UBE2D2: variants seen among roughly 807,000 people sequenced by gnomAD.
UBE2D2 encodes ubiquitin conjugating enzyme E2 D2.
A neutral mutation model predicts 24.2 loss-of-function variants in UBE2D2; 2 were observed. That is an observed-to-expected ratio of 0.08 (90% CI 0.03 to 0.26). The LOEUF is 0.26. Ranked by LOEUF, UBE2D2 falls within the 10% of genes least tolerant of loss-of-function variation. The pLI is 1.00. For synonymous variants in UBE2D2, 58 were observed against 56.5 expected, an observed-to-expected ratio of 1.03 and a Z score of -0.12; for missense variants, 44 against 177.6, an observed-to-expected ratio of 0.25 and a Z score of 4.28.
intron 1 of UBE2D2, among the ~76,000 whole-genome samples, chr5:139,574,430 G>C (rs1753424554): frequency 6.6e-6 from 1 of 151,860 alleles, no homozygotes; most frequent in African/African-American, 2.4e-5. Flanking sequence ...TCCGGTCTTT[G>C]TTCAGTGCCT....
chr5:139,623,080 GTAAT>G (rs1368875600), intron 5 of UBE2D2, among the ~76,000 whole-genome samples: 4 of 151,726 alleles, frequency 2.6e-5, no homozygotes, highest in Admixed American at 2.6e-4. Flanking sequence ...GTTCAAGCCT[GTAAT>G]CCCAGGACTT....
At chr5:139,549,135 C>T (rs944213559) in intron 1 of UBE2D2, among the ~76,000 whole-genome samples, 1 of 152,176 alleles carries the variant, frequency 6.6e-6, no homozygotes, top group Admixed American at 6.5e-5. Flanking sequence ...GTGTGAGCCA[C>T]TGTGCCCGGT....
At chr5:139,572,295 T>TTG (rs1561506805) in intron 1 of UBE2D2, among the ~76,000 whole-genome samples, 1 of 152,178 alleles carries the variant, frequency 6.6e-6, no homozygotes, top group African/African-American at 2.4e-5. Context: ...TCATGCATAC[T>TTG]TGTATTAAAA....
intron 2 of UBE2D2, among the ~76,000 whole-genome samples, chr5:139,609,613 C>G (rs962629323): frequency 3.3e-5 from 5 of 150,510 alleles, no homozygotes; most frequent in African/African-American, 9.8e-5. Flanking sequence ...TCAGGTGATC[C>G]GCTCGCCTCG....
intron 1 of UBE2D2, among the ~76,000 whole-genome samples, chr5:139,537,148 A>G (rs1009712240): frequency 1.3e-5 from 2 of 150,302 alleles, no homozygotes; most frequent in African/African-American, 2.5e-5. Context: ...ATGCCACTGC[A>G]CTCCAGCCTG....
At chr5:139,544,672 G>C (rs1348856045) in intron 1 of UBE2D2, among the ~76,000 whole-genome samples, 1 of 151,832 alleles carries the variant, frequency 6.6e-6, no homozygotes, top group Non-Finnish European at 1.5e-5. Context: ...CTTTTATTGA[G>C]GTATAACTTA....
At chr5:139,527,299 C>T (rs1301384220) in intron 1 of UBE2D2, among the ~76,000 whole-genome samples, 3 of 152,098 alleles carry the variant, frequency 2.0e-5, no homozygotes, top group Admixed American at 2.0e-4. Context: ...CCCCTCTCCC[C>T]ACAGTAGTTA....
chr5:139,554,227 T>C (rs1268579645), intron 1 of UBE2D2, among the ~76,000 whole-genome samples: 1 of 151,794 alleles, frequency 6.6e-6, no homozygotes, highest in Non-Finnish European at 1.5e-5. Flanking sequence ...GAGAATGGGG[T>C]CTCATTGTGT....
chr5:139,544,790 T>C lies in UBE2D2; in HGVS notation c.-64+18178T>C, dbSNP rs28819079. Among the ~76,000 whole-genome samples, 367 of 149,446 alleles carry C rather than the reference T, an allele frequency of 2.5e-3. 7 individuals are homozygous for C. Among genetic ancestry groups the C allele is most frequent in the Admixed American group, 5.7e-3 (85 of 15,042 alleles). On this transcript the variant is annotated intron_variant, in intron 1 of 6. Coordinates refer to the UBE2D2 transcript ENST00000511725. ...TTATACTGTAGTTTGCTTTTTTTTT[T>C]CTTTTTTTAGACAGTCTTGCTCTTT...
intron 1 of UBE2D2, among the ~76,000 whole-genome samples, chr5:139,590,899 ATTC>A (rs779616505): frequency 3.6e-5 from 5 of 139,010 alleles, no homozygotes; most frequent in Admixed American, 8.1e-5. Context: ...GGTTCCAGTG[ATTC>A]TTCTGCCTCA....
chr5:139,548,193 A>AAAAAAAATAAAAATAAAAAT, intron 1 of UBE2D2, among the ~76,000 whole-genome samples: 1 of 47,116 alleles, frequency 2.1e-5, no homozygotes, highest in East Asian at 6.6e-4. Context: ...ATAAAAAAAA[A>AAAAAAAATAAAAATAAAAAT]AAATAAATAA....
chr5:139,592,949 C>T (rs1753874079), intron 1 of UBE2D2, among the ~76,000 whole-genome samples: 1 of 128,440 alleles, frequency 7.8e-6, no homozygotes, highest in South Asian at 2.5e-4. Context: ...AAAAGAGGTT[C>T]AGCTTAATTT....
At chr5:139,545,423 T>G (rs1382244414) in intron 1 of UBE2D2, among the ~76,000 whole-genome samples, 1 of 56,162 alleles carries the variant, frequency 1.8e-5, no homozygotes, top group African/African-American at 8.1e-5. Context: ...TAAATTTTCT[T>G]TTTTTTTTTT....
At chr5:139,603,273 C>T (rs746535166) in intron 2 of UBE2D2, among the ~76,000 whole-genome samples, 15 of 152,104 alleles carry the variant, frequency 9.9e-5, no homozygotes, top group Non-Finnish European at 2.1e-4. Context: ...AGTAATTTGT[C>T]TTTGCTTTGC....
At chr5:139,596,533 C>T (rs1753963115) in intron 1 of UBE2D2, among the ~76,000 whole-genome samples, 1 of 151,806 alleles carries the variant, frequency 6.6e-6, no homozygotes. Context: ...ACCTTGTGAT[C>T]CACCCGCCTT....
chr5:139,611,967 T>G (rs1275315613), intron 2 of UBE2D2: 1 of 150,964 alleles, frequency 6.6e-6, no homozygotes, highest in Non-Finnish European at 1.5e-5. Flanking sequence ...AATTGTTTTT[T>G]TTTTTTTTTT....
chr5:139,543,319 A>G lies in UBE2D2; in HGVS notation c.-64+16707A>G, dbSNP rs13166209. 5.8e-3 allele frequency among the ~76,000 whole-genome samples: 886 copies of G among 152,346 alleles called. 11 individuals carry two copies. Among genetic ancestry groups the G allele is most frequent in the South Asian group, 0.039 (188 of 4,832 alleles). On this transcript the variant is annotated intron_variant, in intron 1 of 6. Coordinates refer to the UBE2D2 transcript ENST00000511725. ...GGAGAACATATACCCTACATTAGTTACATTATTCTGGAAGATGAACGCTTG... is the reference window on the plus strand; with the variant it reads ...GGAGAACATATACCCTACATTAGTTGCATTATTCTGGAAGATGAACGCTTG...
chr5:139,607,452 C>T (rs1017025426), intron 2 of UBE2D2, among the ~76,000 whole-genome samples: 23 of 152,018 alleles, frequency 1.5e-4, no homozygotes, highest in African/African-American at 5.6e-4. Context: ...TCTTCCTTTT[C>T]CTTCTGCTAT....
chr5:139,535,578 G>A (rs1022702830), intron 1 of UBE2D2, among the ~76,000 whole-genome samples: 5 of 150,514 alleles, frequency 3.3e-5, no homozygotes, highest in East Asian at 2.0e-4. Flanking sequence ...GCAGTGAGCC[G>A]AGATCACACG....
Sources: allele counts gnomAD v4.1 joint callset (sites outside exome capture counted in the v4.1 genomes callset), GRCh38; gene constraint gnomAD v4.1.1; transcripts MANE v1.5; gene names NCBI Gene and HGNC (gene_info 2026-07-23, HGNC 2026-07-21).